The following PRMT8 variants were observed in gnomAD, a reference collection of about 807,000 sequenced individuals.
PRMT8 encodes protein arginine N-methyltransferase 8.
A neutral mutation model predicts 47.1 loss-of-function variants in PRMT8; 7 were observed. The observed-to-expected ratio is 0.15, with a 90% CI of 0.08 to 0.28. PRMT8 has a LOEUF of 0.28. PRMT8 is among the 10% of genes least tolerant of loss of function. PRMT8 has a pLI of 1.00. For synonymous variants in PRMT8, 188 were observed against 186.5 expected (o/e 1.01, Z -0.07); for missense variants, 237 against 505.4 (o/e 0.47, Z 5.09).
At chr12:3,454,949 G>A (rs910071537) in intron 1 of PRMT8, among the ~76,000 whole-genome samples, 3 of 152,144 alleles carry the variant, frequency 2.0e-5, no homozygotes, top group African/African-American at 7.2e-5. Flanking sequence ...CCCCATAGGA[G>A]CTGACGCACC....
At chr12:3,437,847 A>T (rs898231429) in intron 1 of PRMT8, among the ~76,000 whole-genome samples, 1 of 151,980 alleles carries the variant, frequency 6.6e-6, no homozygotes, top group Non-Finnish European at 1.5e-5. Flanking sequence ...GCGGTGATGG[A>T]ATGAGGTGAT....
At position 3,530,713 on chromosome 12, in the gene PRMT8, G is replaced by A. The variant is rs76082783; in HGVS notation, c.76-9893G>A. ...AGCAGCCAGCAGAACAGGGCTCTAC[G>A]GGCAGCCAAAGCCACTGTGTCCTGT... On this transcript the variant is annotated intron_variant, in intron 1 of 9. Coordinates refer to ENST00000382622, the MANE Select transcript of PRMT8 (RefSeq NM_019854.5). Among the ~76,000 whole-genome samples, 29 of 152,280 alleles carry A rather than the reference G, an allele frequency of 1.9e-4. No individual in the cohort carries two copies. The East Asian group carries it at 2.9e-3, about 15-fold the overall frequency.
At chr12:3,565,510 A>G (rs1866704968) in intron 4 of PRMT8, among the ~76,000 whole-genome samples, 1 of 152,176 alleles carries the variant, frequency 6.6e-6, no homozygotes, top group Non-Finnish European at 1.5e-5. Flanking sequence ...CTGTGGGGCC[A>G]TGTCCACACT....
chr12:3,397,849 T>TAGC (rs1322967852), intron 1 of PRMT8, among the ~76,000 whole-genome samples: 1 of 152,172 alleles, frequency 6.6e-6, no homozygotes, highest in Non-Finnish European at 1.5e-5. Context: ...ACTGCTGTGC[T>TAGC]AGCAATCAGC....
At position 3,593,224 on chromosome 12, in the gene PRMT8, T is replaced by G; in HGVS notation, c.*42T>G. 1 of 1,513,718 alleles carries G rather than the reference T, an allele frequency of 6.6e-7. No homozygotes were observed. Among genetic ancestry groups the G allele is most frequent in the Non-Finnish European group, 9.1e-7 (1 of 1,093,112 alleles). 93.8% of individuals were successfully genotyped at this position (1,513,718 alleles called of 1,614,324 possible). A position where few individuals can be genotyped will look rare whatever the true frequency, so the allele number is the denominator to read the frequency against. ...CAGAGAGCAACGAGAAAAGGAACTC[T>G]CACCTCGATCTGCCGTGCCGTCCCA... On this transcript the variant is annotated 3_prime_UTR_variant, in exon 10 of 10. Coordinates refer to ENST00000382622, the MANE Select transcript of PRMT8 (RefSeq NM_019854.5). The surrounding 1 kb of genome is among the most constrained non-coding windows in gnomAD (Gnocchi z 4.8).
chr12:3,554,106 G>A (rs1866480655), intron 4 of PRMT8, among the ~76,000 whole-genome samples: 2 of 152,172 alleles, frequency 1.3e-5, no homozygotes, highest in Non-Finnish European at 2.9e-5. Flanking sequence ...CTGCCCAGGG[G>A]CATCATGGCA....
chr12:3,428,406 C>T (rs1045517945), intron 1 of PRMT8, among the ~76,000 whole-genome samples: 3 of 151,918 alleles, frequency 2.0e-5, no homozygotes, highest in African/African-American at 4.8e-5. Flanking sequence ...TACTTTCTTC[C>T]GTTAGTGTAG....
In PRMT8 at chr12:3,538,042, A is replaced by G. The variant is rs942835301; in HGVS notation, c.76-2564A>G. On this transcript the variant is annotated intron_variant, in intron 1 of 9. Transcript: ENST00000382622. This position sits in a 1 kb window ranked among gnomAD's most constrained non-coding sequence, Gnocchi z 4.6. ...TTAGCCTGGCCATAATTTCCTTTCA[A>G]CTGAATCTCTCACTGTCTCAGCCAA... Among the ~76,000 whole-genome samples the G allele has an allele frequency of 6.6e-6, 1 of 151,822 alleles. No homozygotes were observed.
chr12:3,392,864 C>G (rs889071859), intron 1 of PRMT8, among the ~76,000 whole-genome samples: 3 of 152,162 alleles, frequency 2.0e-5, no homozygotes, highest in African/African-American at 7.2e-5. Flanking sequence ...CACATCCTCT[C>G]CAGCACTTGA....
At chr12:3,457,624 A>T (rs1864988936) in intron 1 of PRMT8, among the ~76,000 whole-genome samples, 1 of 152,124 alleles carries the variant, frequency 6.6e-6, no homozygotes, top group Non-Finnish European at 1.5e-5. Context: ...ACATCTTTGT[A>T]TCTATAGTAC....
intron 1 of PRMT8, among the ~76,000 whole-genome samples, chr12:3,450,301 C>T (rs139162331): frequency 2.6e-5 from 4 of 152,176 alleles, no homozygotes; most frequent in African/African-American, 9.7e-5. Context: ...TTGAATGGAT[C>T]TTTTACCCAT....
intron 2 of PRMT8, among the ~76,000 whole-genome samples, chr12:3,547,475 CAAAAT>C (rs1866344924): frequency 6.6e-6 from 1 of 151,958 alleles, no homozygotes; most frequent in African/African-American, 2.4e-5. Flanking sequence ...TACAGTATCA[CAAAAT>C]AAAATAGTTG....
chr12:3,470,682 G>A (rs575086105), intron 1 of PRMT8, among the ~76,000 whole-genome samples: 91 of 151,114 alleles, frequency 6.0e-4, no homozygotes, highest in African/African-American at 2.1e-3. Flanking sequence ...CTGTGGTCCC[G>A]GTGTCCAGGG....
intron 1 of PRMT8, among the ~76,000 whole-genome samples, chr12:3,461,410 T>C (rs1865039467): frequency 6.6e-6 from 1 of 152,160 alleles, no homozygotes; most frequent in Non-Finnish European, 1.5e-5. Context: ...TTTGGTGGTG[T>C]GTGTGATGTC....
intron 1 of PRMT8, among the ~76,000 whole-genome samples, chr12:3,437,490 A>G (rs1264589676): frequency 6.6e-6 from 1 of 151,794 alleles, no homozygotes; most frequent in Non-Finnish European, 1.5e-5. Context: ...AGTGCTCGAT[A>G]AGCAGTTTTT....
At chr12:3,577,294 A>T (rs889913315) in intron 7 of PRMT8, among the ~76,000 whole-genome samples, 1 of 152,152 alleles carries the variant, frequency 6.6e-6, no homozygotes, top group Non-Finnish European at 1.5e-5. Context: ...GGAAGAGGAG[A>T]GCGTGCTCAG....
intron 1 of PRMT8, among the ~76,000 whole-genome samples, chr12:3,476,898 C>T (rs1865220182): frequency 6.6e-6 from 1 of 152,192 alleles, no homozygotes; most frequent in Admixed American, 6.5e-5. Flanking sequence ...AGGAGAGCCC[C>T]TCAAGAGCTG....
intron 1 of PRMT8, among the ~76,000 whole-genome samples, chr12:3,496,214 A>ATATTTTTTTT: frequency 4.7e-4 from 13 of 27,778 alleles, no homozygotes; most frequent in East Asian, 1.7e-3. Flanking sequence ...ATATATATAT[A>ATATTTTTTTT]TTTTTTTTTT....
At chr12:3,386,120 A>C (rs574141649) in intron 1 of PRMT8, among the ~76,000 whole-genome samples, 2 of 152,346 alleles carry the variant, frequency 1.3e-5, no homozygotes, top group Non-Finnish European at 1.5e-5. Flanking sequence ...AAAAATCTAT[A>C]GAAAAGATCT....
Sources: gnomAD v4.1 joint callset for allele counts (sites outside exome capture counted in the v4.1 genomes callset) on GRCh38, gnomAD v4.1.1 for gene constraint, Gnocchi (gnomAD v3.1) non-coding constraint, MANE v1.5 for transcripts, NCBI Gene and HGNC (gene_info 2026-07-23, HGNC 2026-07-21) for gene names.